PRKAR1B: variants seen among roughly 807,000 people sequenced by gnomAD.
PRKAR1B encodes the protein cAMP-dependent protein kinase type I-beta regulatory subunit.
A neutral mutation model predicts 46.5 loss-of-function variants in PRKAR1B; 22 were observed. The ratio of observed to expected loss-of-function variants is 0.47; its 90% CI spans 0.34 to 0.68. PRKAR1B has a LOEUF of 0.68. Among genes scored for constraint, PRKAR1B ranks in the 30% least tolerant of loss-of-function variants. The pLI is 0.01. For synonymous variants in PRKAR1B, 259 were observed against 217.7 expected (o/e 1.19, Z -1.67); for missense variants, 445 against 535.6 (o/e 0.83, Z 1.67).
At chr7:689,754 A>G (rs1296261418) in intron 2 of PRKAR1B, among the ~76,000 whole-genome samples, 5 of 151,590 alleles carry the variant, frequency 3.3e-5, no homozygotes, top group Non-Finnish European at 5.9e-5. Flanking sequence ...ATCTCAGCTC[A>G]CTGCAAGCTC....
intron 2 of PRKAR1B, chr7:691,894 G>C (rs2128516556): frequency 8.9e-7 from 1 of 1,124,930 alleles, no homozygotes; most frequent in East Asian, 6.6e-5. Flanking sequence ...GAATGGCACA[G>C]ACGCCTCCCT....
intron 1 of PRKAR1B, chr7:726,628 C>G (rs1156932417): frequency 9.8e-7 from 1 of 1,025,614 alleles, no homozygotes; most frequent in Admixed American, 4.3e-5. Context: ...TAGCCCGGCG[C>G]CCCGCCCGCA....
At chr7:630,392 T>TGGCAGGCAGGC (rs1013133993) in intron 4 of PRKAR1B, among the ~76,000 whole-genome samples, 3 of 152,124 alleles carry the variant, frequency 2.0e-5, no homozygotes, top group African/African-American at 4.8e-5. Flanking sequence ...TGCTGGCAGG[T>TGGCAGGCAGGC]GGCAGGCAGG....
chr7:632,766 C>T (rs1314821219), intron 4 of PRKAR1B, among the ~76,000 whole-genome samples: 1 of 152,210 alleles, frequency 6.6e-6, no homozygotes, highest in African/African-American at 2.4e-5. Context: ...GCCAGCCACA[C>T]GTGATACAAG....
chr7:606,743 C>A (rs9692324), intron 5 of PRKAR1B, among the ~76,000 whole-genome samples: 1 of 151,008 alleles, frequency 6.6e-6, no homozygotes, highest in East Asian at 2.0e-4. Context: ...CCACCGCGCC[C>A]GGCCTCACAA....
intron 2 of PRKAR1B, among the ~76,000 whole-genome samples, chr7:698,776 T>C (rs1252718659): frequency 6.6e-6 from 1 of 151,916 alleles, no homozygotes; most frequent in Non-Finnish European, 1.5e-5. Flanking sequence ...TCCTCCTCGG[T>C]GGCAACAGTA....
chr7:615,985 GGAGA>G (rs1047064977), intron 4 of PRKAR1B, among the ~76,000 whole-genome samples: 6 of 142,264 alleles, frequency 4.2e-5, no homozygotes, highest in South Asian at 4.8e-4. Context: ...AGAGAAAGAG[GGAGA>G]GAGAAAGAAA....
intron 8 of PRKAR1B, 65 bp from the exon 9 acceptor site, chr7:579,442 A>G: frequency 6.3e-7 from 1 of 1,595,160 alleles, no homozygotes; most frequent in South Asian, 1.1e-5. Context: ...AGTCCAAGAC[A>G]AGGGCCACCG....
intron 4 of PRKAR1B, among the ~76,000 whole-genome samples, chr7:629,105 A>G (rs1229333261): frequency 6.6e-6 from 1 of 152,246 alleles, no homozygotes; most frequent in Non-Finnish European, 1.5e-5. Flanking sequence ...GACATTCCCA[A>G]GCCTGGCTGC....
At chr7:555,593 A>T (rs936735871) in intron 9 of PRKAR1B, among the ~76,000 whole-genome samples, 6 of 152,156 alleles carry the variant, frequency 3.9e-5, no homozygotes, top group Non-Finnish European at 8.8e-5. Context: ...CAGCCCGACC[A>T]GGGAGGGACT....
Position 582,663 on chromosome 7 carries a change from G to A in PRKAR1B, c.769+1845C>T, listed in dbSNP as rs139765651. ...GCCGGGGGGTCACCAGCCCTCGCCCGGAGCAGGGAGAGGGTCTCGCCCTTC... is the reference window on the plus strand; with the variant it reads ...GCCGGGGGGTCACCAGCCCTCGCCCAGAGCAGGGAGAGGGTCTCGCCCTTC... On this transcript the variant is annotated intron_variant, in intron 8 of 10. Coordinates refer to ENST00000537384, the MANE Select transcript of PRKAR1B (RefSeq NM_001164760.2). 6.5e-3 allele frequency among the ~76,000 whole-genome samples: 994 copies of A among 152,364 alleles called. 13 individuals are homozygous for A. Among genetic ancestry groups the A allele is most frequent in the African/African-American group, 0.023 (940 of 41,596 alleles).
chr7:574,462 T>TTTG (rs1376923488), intron 9 of PRKAR1B, among the ~76,000 whole-genome samples: 1 of 152,080 alleles, frequency 6.6e-6, no homozygotes, highest in African/African-American at 2.4e-5. Flanking sequence ...TTTTTTTTTT[T>TTTG]GAGACAGGCT....
chr7:674,359 A>G (rs961340539), intron 4 of PRKAR1B, among the ~76,000 whole-genome samples: 1 of 151,690 alleles, frequency 6.6e-6, no homozygotes, highest in Non-Finnish European at 1.5e-5. Context: ...TTCCAGCCAC[A>G]CCCAGCTACT....
intron 9 of PRKAR1B, among the ~76,000 whole-genome samples, chr7:572,689 C>G (rs562103983): frequency 1.3e-5 from 2 of 152,342 alleles, no homozygotes; most frequent in Admixed American, 1.3e-4. Flanking sequence ...ACTGGGCCAG[C>G]CCTCACTGGC....
chr7:721,265 A>C (rs1781061424), intron 1 of PRKAR1B, among the ~76,000 whole-genome samples: 1 of 152,218 alleles, frequency 6.6e-6, no homozygotes, highest in South Asian at 2.1e-4. Flanking sequence ...GAAACTCATG[A>C]GGTGAAAGAT....
At chr7:625,985 G>C (rs1310880226) in intron 4 of PRKAR1B, among the ~76,000 whole-genome samples, 3 of 145,582 alleles carry the variant, frequency 2.1e-5, no homozygotes, top group African/African-American at 7.7e-5. Context: ...TCCAGCCTGG[G>C]TGACAAGAGC....
chr7:636,919 G>A (rs1241487406), intron 4 of PRKAR1B, among the ~76,000 whole-genome samples: 3 of 152,192 alleles, frequency 2.0e-5, no homozygotes, highest in Admixed American at 1.3e-4. Context: ...AAGAACGGCC[G>A]TGAGGGAAGG....
At chr7:669,395 T>C (rs1307269485) in intron 4 of PRKAR1B, among the ~76,000 whole-genome samples, 3 of 152,106 alleles carry the variant, frequency 2.0e-5, no homozygotes, top group Non-Finnish European at 4.4e-5. Context: ...ATGATGAAAA[T>C]TTTGGAAACA....
At chr7:723,455 C>T (rs190619776) in intron 1 of PRKAR1B, among the ~76,000 whole-genome samples, 20 of 152,344 alleles carry the variant, frequency 1.3e-4, no homozygotes, top group African/African-American at 4.6e-4. Context: ...CCTTGCTATT[C>T]CTCCAGTCCA....
Sources: gnomAD v4.1 joint callset for allele counts (sites outside exome capture counted in the v4.1 genomes callset) on GRCh38, gnomAD v4.1.1 for gene constraint, MANE v1.5 for transcripts, NCBI Gene and HGNC (gene_info 2026-07-23, HGNC 2026-07-21) for gene names.